Variants in EMC3 observed in about 807,000 individuals in gnomAD.
EMC3 encodes the protein ER membrane protein complex subunit 3.
In EMC3, 13 loss-of-function variants were observed where a neutral mutation model predicts 36.6. The ratio of observed to expected loss-of-function variants is 0.35; its 90% CI spans 0.23 to 0.56. The LOEUF (loss-of-function observed/expected upper bound fraction) is 0.56, where lower values mean the gene tolerates loss of function less well. Among genes scored for constraint, EMC3 ranks in the 20% least tolerant of loss-of-function variants. The pLI is 0.84. For synonymous variants in EMC3, 120 were observed against 111.9 expected (o/e 1.07, Z -0.46); for missense variants, 220 against 324.5 (o/e 0.68, Z 2.47).
chr3:9,972,475 A>C (rs1390969128), intron 5 of EMC3, among the ~76,000 whole-genome samples: 1 of 151,580 alleles, frequency 6.6e-6, no homozygotes, highest in Non-Finnish European at 1.5e-5. Context: ...AAAAAAAAAA[A>C]AAAAAAAAAC....
intron 1 of EMC3, chr3:10,004,675 C>G (rs2086244343): frequency 6.6e-6 from 1 of 152,438 alleles, no homozygotes; most frequent in Non-Finnish European, 1.5e-5. Flanking sequence ...TCTGCCCTGT[C>G]TGTGCTTGCA....
At chr3:10,002,567 T>C (rs1575704385) in intron 1 of EMC3, 2 of 350,694 alleles carry the variant, frequency 5.7e-6, no homozygotes, top group East Asian at 7.4e-5. Flanking sequence ...ATGACAGGCA[T>C]GAGCCACCGC....
At chr3:9,970,854 A>G (rs1233341736) in intron 5 of EMC3, among the ~76,000 whole-genome samples, 193 bp from the exon 6 acceptor site, 2 of 152,218 alleles carry the variant, frequency 1.3e-5, no homozygotes, top group Non-Finnish European at 2.9e-5. Context: ...ACTATATTTC[A>G]AAAAATCCAA....
At chr3:9,974,955 G>A (rs1461592430) in intron 3 of EMC3, among the ~76,000 whole-genome samples, 1 of 143,614 alleles carries the variant, frequency 7.0e-6, no homozygotes, top group Non-Finnish European at 1.5e-5. Flanking sequence ...CCGCCTCCCA[G>A]GTTCAAGTGA....
intron 5 of EMC3, among the ~76,000 whole-genome samples, chr3:9,972,816 A>G (rs894276347): frequency 6.7e-5 from 10 of 150,106 alleles, no homozygotes; most frequent in Non-Finnish European, 1.5e-4. Context: ...AAGTATTGCA[A>G]ATTAGAAATC....
intron 5 of EMC3, among the ~76,000 whole-genome samples, chr3:9,972,832 C>CT (rs113982519): frequency 9.6e-4 from 136 of 141,980 alleles, no homozygotes; most frequent in Middle Eastern, 7.4e-3. Flanking sequence ...AAATCCTCAT[C>CT]TTTTTTTTTT....
intron 1 of EMC3, chr3:10,002,921 G>A: frequency 2.2e-6 from 1 of 450,508 alleles, no homozygotes; most frequent in South Asian, 1.6e-5. Flanking sequence ...AGCACCTGTA[G>A]CAGTGGTGGA....
intron 7 of EMC3, chr3:9,968,708 G>C (rs182384535): frequency 6.6e-6 from 1 of 151,722 alleles, no homozygotes; most frequent in Non-Finnish European, 1.5e-5. Flanking sequence ...GCAGTGGCAC[G>C]ATCTTGGCTC....
intron 4 of EMC3, among the ~76,000 whole-genome samples, chr3:9,974,020 A>G (rs558494204): frequency 3.3e-5 from 5 of 152,246 alleles, no homozygotes; most frequent in Admixed American, 6.5e-5. Flanking sequence ...AATTATGTTA[A>G]TAAGAAACCA....
chr3:10,007,328 C>A, intron 1 of EMC3: 1 of 1,318,056 alleles, frequency 7.6e-7, no homozygotes, highest in Non-Finnish European at 1.0e-6. Flanking sequence ...CTTCAGGTCC[C>A]GTCTGCCTGT....
Position 9,995,437 on chromosome 3 carries a change from G to C in EMC3, c.-241-8535C>G, listed in dbSNP as rs570411260. Among the ~76,000 whole-genome samples, 3 of 151,192 alleles carry C rather than the reference G, an allele frequency of 2.0e-5. No homozygotes were observed. The Admixed American group carries it at 2.0e-4, about 10-fold the overall frequency. On this transcript the variant is annotated intron_variant, in intron 1 of 8. Transcript: ENST00000470827. ...TAAAATATGGGAAATAGGTCAAGACGGGATGGTCAAGTTACACTGGCATAT... is the reference window on the plus strand; with the variant it reads ...TAAAATATGGGAAATAGGTCAAGACCGGATGGTCAAGTTACACTGGCATAT...
At chr3:9,972,436 C>T (rs991807682) in intron 5 of EMC3, among the ~76,000 whole-genome samples, 1 of 147,074 alleles carries the variant, frequency 6.8e-6, no homozygotes, top group African/African-American at 2.5e-5. Context: ...ATAAACCACC[C>T]ATGGCATTTT....
chr3:9,976,230 G>A (rs906821540), intron 3 of EMC3, among the ~76,000 whole-genome samples: 12 of 151,774 alleles, frequency 7.9e-5, no homozygotes, highest in South Asian at 2.1e-4. Flanking sequence ...CTCAGCCTCC[G>A]GGGTAGCTGG....
intron 1 of EMC3, among the ~76,000 whole-genome samples, chr3:9,978,467 C>G (rs1314860470): frequency 6.6e-6 from 1 of 151,976 alleles, no homozygotes; most frequent in Non-Finnish European, 1.5e-5. Flanking sequence ...GAGGAAAAGG[C>G]CCTTAAAGTA....
intron 1 of EMC3, among the ~76,000 whole-genome samples, chr3:9,998,959 T>C (rs2086164490): frequency 1.3e-5 from 2 of 152,310 alleles, no homozygotes; most frequent in South Asian, 2.1e-4. Flanking sequence ...GGTTTCGTCA[T>C]GTTACCCAGA....
chr3:9,996,447 AAATAGACAC>A (rs2124931646), intron 1 of EMC3, among the ~76,000 whole-genome samples: 1 of 152,292 alleles, frequency 6.6e-6, no homozygotes, highest in African/African-American at 2.4e-5. Context: ...TCTATCTCAA[AAATAGACAC>A]ATAAATAAAA....
At position 9,993,106 on chromosome 3, in the gene EMC3, C is replaced by T. The variant is rs573978290; in HGVS notation, c.-241-6204G>A. 1.9e-5 allele frequency: 14 copies of T among 748,256 alleles called. No individual in the cohort carries two copies. In the East Asian group the frequency reaches 3.6e-4, roughly 19 times the overall value. 46.4% of individuals were successfully genotyped at this position (748,256 alleles called of 1,614,324 possible). A position where few individuals can be genotyped will look rare whatever the true frequency, so the allele number is the denominator to read the frequency against. On this transcript the variant is annotated intron_variant, in intron 1 of 8. Coordinates refer to the EMC3 transcript ENST00000470827. ...CTTATTTCAGTCCATTGTTCAAACCCATTGAAATTTTTGAATTTTATTTTT... is the reference window on the plus strand; with the variant it reads ...CTTATTTCAGTCCATTGTTCAAACCTATTGAAATTTTTGAATTTTATTTTT...
chr3:9,997,406 A>G (rs2086139941), intron 1 of EMC3, among the ~76,000 whole-genome samples: 1 of 152,018 alleles, frequency 6.6e-6, no homozygotes, highest in South Asian at 2.1e-4. Flanking sequence ...TGTAGCATGC[A>G]TCAGAACTTC....
At chr3:10,007,323 G>A (rs1389345199) in intron 1 of EMC3, 1 of 1,308,472 alleles carries the variant, frequency 7.6e-7, no homozygotes, top group East Asian at 4.7e-5. Flanking sequence ...AGCCCCTTCA[G>A]GTCCCGTCTG....
Sources: gnomAD v4.1 joint callset for allele counts (sites outside exome capture counted in the v4.1 genomes callset) on GRCh38, gnomAD v4.1.1 for gene constraint, MANE v1.5 for transcripts, NCBI Gene and HGNC (gene_info 2026-07-23, HGNC 2026-07-21) for gene names.